Variants in MACROD2 observed in about 807,000 individuals in gnomAD.
The protein encoded by MACROD2 is ADP-ribose glycohydrolase MACROD2.
Under a neutral mutation model 70.4 loss-of-function variants are expected in MACROD2, and 36 were observed. The ratio of observed to expected loss-of-function variants is 0.51; its 90% CI spans 0.39 to 0.68. The LOEUF is 0.68. Among genes scored for constraint, MACROD2 ranks in the 30% least tolerant of loss-of-function variants. The pLI, the probability that MACROD2 is intolerant of heterozygous loss-of-function variation, is 0.00. For missense variants in MACROD2, 496 were observed against 538.4 expected, an observed-to-expected ratio of 0.92 and a Z score of 0.78; for synonymous variants, 172 against 178.8, an observed-to-expected ratio of 0.96 and a Z score of 0.30.
At chr20:14,444,588 T>C (rs1477728828) in intron 3 of MACROD2, among the ~76,000 whole-genome samples, 1 of 152,112 alleles carries the variant, frequency 6.6e-6, no homozygotes, top group Non-Finnish European at 1.5e-5. Flanking sequence ...TTACAATCTA[T>C]GTGCTGATGA....
intron 8 of MACROD2, among the ~76,000 whole-genome samples, chr20:15,800,462 A>G (rs1337231055): frequency 2.0e-5 from 3 of 152,252 alleles, no homozygotes; most frequent in Non-Finnish European, 4.4e-5. Flanking sequence ...TAATTTTTGT[A>G]TAAGAGATAA....
chr20:15,229,797 AAT>A, intron 5 of MACROD2, 141 bp from the exon 6 acceptor site: 2 of 770,898 alleles, frequency 2.6e-6, no homozygotes, highest in Non-Finnish European at 3.7e-6. Flanking sequence ...CTACCAGAGA[AAT>A]ATTTGCGTCG....
chr20:15,599,697 A>C (rs1452357336), intron 8 of MACROD2, among the ~76,000 whole-genome samples: 3 of 152,218 alleles, frequency 2.0e-5, no homozygotes, highest in Non-Finnish European at 4.4e-5. Context: ...GTAGGAACCA[A>C]TATGTCTATA....
chr20:14,797,501 C>T (rs142207698), intron 5 of MACROD2, among the ~76,000 whole-genome samples: 32 of 152,102 alleles, frequency 2.1e-4, no homozygotes, highest in Middle Eastern at 3.4e-3. Flanking sequence ...TCACCCTCAG[C>T]GCCTTTGTGC....
intron 2 of MACROD2, among the ~76,000 whole-genome samples, chr20:14,051,312 T>G (rs1353372329): frequency 6.6e-6 from 1 of 152,198 alleles, no homozygotes; most frequent in Non-Finnish European, 1.5e-5. Flanking sequence ...GAGAGCAACA[T>G]GAGGGTAGAA....
chr20:15,538,964 TAATA>T (rs1024641036), intron 8 of MACROD2, among the ~76,000 whole-genome samples: 2 of 152,118 alleles, frequency 1.3e-5, no homozygotes, highest in African/African-American at 2.4e-5. Flanking sequence ...TGGGCATACC[TAATA>T]AATAATATGT....
chr20:15,008,645 G>C (rs1272050825), intron 5 of MACROD2, among the ~76,000 whole-genome samples: 2 of 152,124 alleles, frequency 1.3e-5, no homozygotes, highest in African/African-American at 4.8e-5. Flanking sequence ...CGCTGAGAAG[G>C]ACTGTTCCCC....
intron 3 of MACROD2, among the ~76,000 whole-genome samples, chr20:14,447,658 AG>A (rs2084197945): frequency 1.3e-5 from 2 of 152,000 alleles, no homozygotes; most frequent in African/African-American, 4.8e-5. Flanking sequence ...GCTGTCAAAA[AG>A]GGCCTTTGGA....
intron 5 of MACROD2, among the ~76,000 whole-genome samples, chr20:15,070,859 A>G (rs547946844): frequency 1.2e-3 from 174 of 150,658 alleles, no homozygotes; most frequent in Non-Finnish European, 1.1e-3. Flanking sequence ...GGAGACATCT[A>G]CCCGCTTTTC....
intron 10 of MACROD2, among the ~76,000 whole-genome samples, chr20:15,904,223 T>G (rs1351725520): frequency 6.6e-6 from 1 of 152,116 alleles, no homozygotes; most frequent in African/African-American, 2.4e-5. Context: ...CTCACTATGT[T>G]GCTGAGGCTG....
chr20:14,048,584 A>G (rs901358092), intron 2 of MACROD2, among the ~76,000 whole-genome samples: 8 of 152,298 alleles, frequency 5.3e-5, no homozygotes, highest in African/African-American at 1.9e-4. Context: ...CAATAAAACT[A>G]TTCCTTCACG....
intron 5 of MACROD2, among the ~76,000 whole-genome samples, chr20:14,789,864 T>C (rs536384111): frequency 2.2e-4 from 34 of 152,046 alleles, no homozygotes; most frequent in African/African-American, 7.2e-4. Flanking sequence ...CAACATTACA[T>C]AAATACTATG....
intron 4 of MACROD2, among the ~76,000 whole-genome samples, chr20:14,645,112 C>T (rs188564724): frequency 6.6e-6 from 1 of 152,054 alleles, no homozygotes; most frequent in Admixed American, 6.5e-5. Context: ...AATTGTTCTC[C>T]CCTTCAGTGT....
At chr20:15,180,154 G>T (rs932287185) in intron 5 of MACROD2, among the ~76,000 whole-genome samples, 1 of 152,060 alleles carries the variant, frequency 6.6e-6, no homozygotes, top group African/African-American at 2.4e-5. Context: ...CTCTTTGAAG[G>T]CCCTATCTCC....
At chr20:14,663,437 T>C (rs1367650902) in intron 4 of MACROD2, among the ~76,000 whole-genome samples, 1 of 151,262 alleles carries the variant, frequency 6.6e-6, no homozygotes, top group Non-Finnish European at 1.5e-5. Context: ...CTGACATAGG[T>C]TTACCTATAT....
intron 5 of MACROD2, among the ~76,000 whole-genome samples, chr20:15,121,482 C>T (rs1388745543): frequency 7.1e-6 from 1 of 140,770 alleles, no homozygotes; most frequent in African/African-American, 2.7e-5. Context: ...CATTGCACTC[C>T]AGCCTAGGCA....
chr20:14,779,530 T>G (rs1023978995), intron 5 of MACROD2, among the ~76,000 whole-genome samples: 10 of 152,136 alleles, frequency 6.6e-5, no homozygotes, highest in African/African-American at 2.4e-4. Context: ...CAGGTCATAA[T>G]GACTCTACCG....
In MACROD2 at chr20:15,287,889, A is replaced by G. The variant is rs1355149071; in HGVS notation, c.540+57828A>G. Among the ~76,000 whole-genome samples, 4 of 152,194 alleles carry G rather than the reference A, an allele frequency of 2.6e-5. No homozygotes were observed. The East Asian group carries it at 7.7e-4, about 29-fold the overall frequency. ...CTAATCTTCCATCTGCTTTTCTTTG[A>G]ACCTTTTAAAATGTTCAGCAAGGTC... On this transcript the variant is annotated intron_variant, in intron 6 of 17. Coordinates refer to ENST00000684519, the MANE Select transcript of MACROD2 (RefSeq NM_001351661.2).
intron 2 of MACROD2, among the ~76,000 whole-genome samples, chr20:14,045,056 CG>C (rs2053449302): frequency 6.6e-6 from 1 of 152,218 alleles, no homozygotes; most frequent in African/African-American, 2.4e-5. Context: ...CTGGGGCTTG[CG>C]GGCCGGCTTG....
Sources: gnomAD v4.1 joint callset for allele counts (sites outside exome capture counted in the v4.1 genomes callset) on GRCh38, gnomAD v4.1.1 for gene constraint, MANE v1.5 for transcripts, NCBI Gene and HGNC (gene_info 2026-07-23, HGNC 2026-07-21) for gene names.